BPIFC: variants seen among roughly 807,000 people sequenced by gnomAD.
The protein encoded by BPIFC is BPI fold containing family C, also known as BPI fold-containing family C protein.
Under a neutral mutation model 57.6 loss-of-function variants are expected in BPIFC, and 60 were observed. The observed-to-expected ratio is 1.04, with a 90% CI of 0.85 to 1.29. The LOEUF (loss-of-function observed/expected upper bound fraction) is 1.29, where lower values mean the gene tolerates loss of function less well. BPIFC is among the 50% of genes most tolerant of loss of function. The pLI, the probability that BPIFC is intolerant of heterozygous loss-of-function variation, is 0.00. For synonymous variants in BPIFC, 243 were observed against 224.5 expected (o/e 1.08, Z -0.74); for missense variants, 581 against 600.5 (o/e 0.97, Z 0.34).
chr22:32,462,168 C>CAAAAAAA (rs35716277), intron 1 of BPIFC, among the ~76,000 whole-genome samples: 941 of 51,758 alleles, frequency 0.018, no homozygotes, highest in Non-Finnish European at 0.02. Context: ...GACTCCATCT[C>CAAAAAAA]AAAAAAAAAA....
chr22:32,442,523 T>C, intron 8 of BPIFC, 148 bp downstream of exon 8: 1 of 741,616 alleles, frequency 1.3e-6, no homozygotes, highest in South Asian at 1.8e-5. Context: ...AGGCACATCC[T>C]CCCAAGCACC....
rs373164662 is a variant in BPIFC, at chr22:32,445,680, A to C, written c.549T>G (p.Phe183Leu). Residue 183 changes from phenylalanine to leucine, a missense_variant, in exon 7 of 17, where the codon TTT (phenylalanine) becomes TTG (leucine). Transcript: ENST00000300399. ...SGELSVLYNS[F>L]AEPMEKPILK... is the part of the protein sequence containing the mutation. ...AAATGGGTTTCTCCATGGGCTCAGCAAAGGAGTTATACAGAACACTGAGGA... is the reference window on the plus strand; with the variant it reads ...AAATGGGTTTCTCCATGGGCTCAGCCAAGGAGTTATACAGAACACTGAGGA... The C allele has an allele frequency of 6.4e-7, 1 of 1,561,142 alleles. No individual in the cohort carries two copies. Among genetic ancestry groups the C allele is most frequent in the East Asian group, 2.3e-5 (1 of 43,690 alleles).
At position 32,457,044 on chromosome 22, in the gene BPIFC, A is replaced by G. The variant is rs1217432284; in HGVS notation, c.124+219T>C. ...ATGGGAAAGAGAGAGAGACAATGAG[A>G]ATCTGTGCTGTGTTTGGACATGCCT... On this transcript the variant is annotated intron_variant, in intron 3 of 16. Coordinates refer to ENST00000300399, the MANE Select transcript of BPIFC (RefSeq NM_174932.3). Among the ~76,000 whole-genome samples the G allele has an allele frequency of 5.3e-5, 8 of 152,264 alleles. No homozygotes were observed. The East Asian group carries it at 1.2e-3, about 22-fold the overall frequency.
chr22:32,419,311 A>C (rs772117876), intron 14 of BPIFC, 51 bp downstream of exon 14: 5 of 1,546,530 alleles, frequency 3.2e-6, no homozygotes, highest in African/African-American at 1.4e-5. Context: ...ATATAGTAGG[A>C]GAATCCTCGT....
chr22:32,453,945 A>C (rs45442791), intron 3 of BPIFC, among the ~76,000 whole-genome samples: 2,099 of 113,748 alleles, frequency 0.018, 45 homozygotes, highest in African/African-American at 0.051. Context: ...ACAACAACAA[A>C]AAAAAAAATT....
chr22:32,458,102 A>T (rs1935083397), intron 2 of BPIFC, among the ~76,000 whole-genome samples: 1 of 151,856 alleles, frequency 6.6e-6, no homozygotes, highest in African/African-American at 2.4e-5. Flanking sequence ...TCCCCTTCTT[A>T]CTCAGTGTAA....
chr22:32,414,833 T>G lies in BPIFC; in HGVS notation c.1402-408A>C, dbSNP rs60932326. Among the ~76,000 whole-genome samples the G allele has an allele frequency of 2.0e-5, 3 of 152,032 alleles. No homozygotes were observed. In the South Asian group the frequency reaches 6.2e-4, roughly 32 times the overall value. The stretch of plus-strand genomic sequence containing the variant: ...TTTCTTTACCAGGTCCTACAGAGAG[T>G]CAGGCCCTCCTCTACCCTGGCCCTA... On this transcript the variant is annotated intron_variant, in intron 16 of 16. Coordinates refer to ENST00000300399, the MANE Select transcript of BPIFC (RefSeq NM_174932.3).
chr22:32,442,633 G>A, intron 8 of BPIFC, 38 bp downstream of exon 8: 1 of 1,594,134 alleles, frequency 6.3e-7, no homozygotes. Flanking sequence ...TTGAAGGTAG[G>A]AAGACAACCA....
intron 8 of BPIFC, among the ~76,000 whole-genome samples, chr22:32,441,665 A>G (rs1156483502): frequency 6.6e-6 from 1 of 152,180 alleles, no homozygotes; most frequent in African/African-American, 2.4e-5. Context: ...CACAACATAT[A>G]AAGAGAGATA....
At chr22:32,431,312 T>C in intron 13 of BPIFC, 35 bp downstream of exon 13, 3 of 1,555,246 alleles carry the variant, frequency 1.9e-6, no homozygotes, top group Non-Finnish European at 2.7e-6. Flanking sequence ...CACTTATTAC[T>C]AAGGTGCCCC....
intron 6 of BPIFC, 23 bp downstream of exon 6, chr22:32,445,818 C>A (rs766570500): frequency 6.2e-7 from 1 of 1,613,126 alleles, no homozygotes; most frequent in East Asian, 2.2e-5. Context: ...CTAGCCACTG[C>A]CCAACCCAGG....
Position 32,457,358 on chromosome 22 carries a change from C to T in BPIFC, c.29G>A (p.Trp10Ter), listed in dbSNP as rs1434120619. MCTKTIPVLWGCFLLWNLYV... is the reference protein window; with the variant it reads MCTKTIPVL ...GAGATTCCACAGGAGGAAACATCCC[C>T]AGAGGACTGGGATTGTCTTTGTACA... Residue 10 changes from tryptophan to a stop codon, truncating the protein, a stop_gained, in exon 3 of 17, where the codon TGG becomes TAG. Coordinates refer to ENST00000300399, the MANE Select transcript of BPIFC (RefSeq NM_174932.3). LOFTEE classifies it high-confidence loss of function. 1 of 1,610,368 alleles carries T rather than the reference C, an allele frequency of 6.2e-7. No individual in the cohort carries two copies. Among genetic ancestry groups the T allele is most frequent in the African/African-American group, 1.3e-5 (1 of 74,676 alleles).
chr22:32,422,726 C>A (rs752414606), intron 13 of BPIFC, among the ~76,000 whole-genome samples: 1 of 151,356 alleles, frequency 6.6e-6, no homozygotes, highest in Non-Finnish European at 1.5e-5. Context: ...AAAGAGAGTG[C>A]GAAAAGATGA....
rs115269979 is a variant in BPIFC, at chr22:32,450,467, T to C, written c.245+2916A>G. ...CAATGCATGACAGTAATTTAAAATC[T>C]TGTAGTAATCACATTTTAAAAAGGG... On this transcript the variant is annotated intron_variant, in intron 4 of 16. Coordinates refer to ENST00000300399, the MANE Select transcript of BPIFC (RefSeq NM_174932.3). Among the ~76,000 whole-genome samples the C allele has an allele frequency of 2.7e-3, 409 of 152,296 alleles. 2 individuals carry two copies. Among genetic ancestry groups the C allele is most frequent in the African/African-American group, 9.2e-3 (384 of 41,564 alleles).
intron 3 of BPIFC, among the ~76,000 whole-genome samples, chr22:32,453,962 T>A (rs898592005): frequency 4.6e-5 from 7 of 151,854 alleles, no homozygotes; most frequent in Non-Finnish European, 7.4e-5. Flanking sequence ...AATTAAAAAA[T>A]TAGCTGGGCA....
At chr22:32,426,076 T>C (rs1934059814) in intron 13 of BPIFC, among the ~76,000 whole-genome samples, 1 of 151,818 alleles carries the variant, frequency 6.6e-6, no homozygotes, top group South Asian at 2.1e-4. Context: ...CAACACGGGG[T>C]TTGTCTCTGA....
At chr22:32,462,484 A>C (rs1263374338) in intron 1 of BPIFC, among the ~76,000 whole-genome samples, 1 of 152,224 alleles carries the variant, frequency 6.6e-6, no homozygotes, top group Non-Finnish European at 1.5e-5. Context: ...AGTGAAAAAA[A>C]CATAATAAAC....
In BPIFC at chr22:32,457,397, C is replaced by T; in HGVS notation, c.1-11G>A. The T allele has an allele frequency of 6.2e-7, 1 of 1,603,236 alleles. No homozygotes were observed. The highest frequency in any genetic ancestry group is 8.5e-7 in the Non-Finnish European group (1 of 1,177,142). Reference sequence around the variant, plus strand: ...TGTCTTTGTACACATCTGAAATTAACCAACAGTTAAGGTTCCTTTATTATT... The same window carrying T: ...TGTCTTTGTACACATCTGAAATTAATCAACAGTTAAGGTTCCTTTATTATT... On this transcript the variant is annotated splice_polypyrimidine_tract_variant and intron_variant, in intron 2 of 16. Coordinates refer to ENST00000300399, the MANE Select transcript of BPIFC (RefSeq NM_174932.3).
chr22:32,447,573 A>G (rs1044675213), intron 4 of BPIFC, among the ~76,000 whole-genome samples: 3 of 151,910 alleles, frequency 2.0e-5, no homozygotes, highest in Admixed American at 2.0e-4. Context: ...GCAAGTTTAG[A>G]AATATATATG....
Sources: gnomAD v4.1 joint callset for allele counts (sites outside exome capture counted in the v4.1 genomes callset) on GRCh38, gnomAD v4.1.1 for gene constraint, MANE v1.5 for transcripts, NCBI Gene and HGNC (gene_info 2026-07-23, HGNC 2026-07-21) for gene names.